DMD: variants seen among roughly 807,000 people sequenced by gnomAD.
DMD encodes the protein dystrophin.
In DMD, 63 loss-of-function variants were observed where a neutral mutation model predicts 330.1. That is an observed-to-expected ratio of 0.19 (90% confidence interval 0.16 to 0.24). The LOEUF is 0.24. Among genes scored for constraint, DMD ranks in the 10% least tolerant of loss-of-function variants. DMD has a pLI of 1.00. For missense variants in DMD, 3,344 were observed against 2,684.1 expected (o/e 1.25, Z -5.43); for synonymous variants, 1,223 against 959.8 (o/e 1.27, Z -5.07).
chrX:31,529,897 T>TAA (rs369803858), intron 55 of DMD, among the ~76,000 whole-genome samples: 127 of 98,592 alleles, frequency 1.3e-3, no homozygotes, highest in East Asian at 3.5e-3. Flanking sequence ...AAGATTTCTT[T>TAA]AAAAAAAAAA....
chrX:32,622,628 A>T (rs1215186554), intron 11 of DMD, among the ~76,000 whole-genome samples: 1 of 111,901 alleles, frequency 8.9e-6, no homozygotes, highest in East Asian at 2.8e-4. Context: ...CTTCGCATCC[A>T]ATTATACTTC....
chrX:33,094,071 T>A (rs770990655), intron 1 of DMD, among the ~76,000 whole-genome samples: 1 of 110,919 alleles, frequency 9.0e-6, no homozygotes, highest in Non-Finnish European at 1.9e-5. Context: ...CTATTGAAAA[T>A]GTGTGTTTTT....
intron 45 of DMD, among the ~76,000 whole-genome samples, chrX:31,932,876 T>C (rs1480269303): frequency 8.9e-6 from 1 of 112,430 alleles, no homozygotes; most frequent in African/African-American, 3.2e-5. Context: ...TACTAACATT[T>C]AGGTTTGGAA....
intron 16 of DMD, among the ~76,000 whole-genome samples, chrX:32,560,147 C>A (rs1418542300): frequency 9.4e-6 from 1 of 106,086 alleles, no homozygotes; most frequent in African/African-American, 3.4e-5. Context: ...ATTTATTCTA[C>A]TAAAAATCCA....
chrX:31,861,944 T>TACACACAC (rs750851260), intron 48 of DMD, among the ~76,000 whole-genome samples: 36 of 33,958 alleles, frequency 1.1e-3, no homozygotes, highest in South Asian at 4.7e-3. Flanking sequence ...TAGAAAATAA[T>TACACACAC]ATACACACAC....
intron 1 of DMD, among the ~76,000 whole-genome samples, chrX:33,082,672 A>C (rs112521358): frequency 2.7e-5 from 3 of 112,265 alleles, no homozygotes; most frequent in Non-Finnish European, 5.6e-5. Flanking sequence ...AGGAGTAACT[A>C]TGACATGAAC....
chrX:31,265,509 T>C (rs923261235), intron 62 of DMD, among the ~76,000 whole-genome samples: 2 of 110,840 alleles, frequency 1.8e-5, no homozygotes, highest in Non-Finnish European at 3.8e-5. Flanking sequence ...CAGCTGTTAG[T>C]TGTCCTCCGT....
At chrX:31,882,661 A>T (rs1320199387) in intron 47 of DMD, among the ~76,000 whole-genome samples, 1 of 112,126 alleles carries the variant, frequency 8.9e-6, no homozygotes, top group East Asian at 2.8e-4. Context: ...TAACTTCTAC[A>T]TCAGTAAGAA....
chrX:32,244,107 C>T (rs1182887519), intron 43 of DMD, among the ~76,000 whole-genome samples: 2 of 66,935 alleles, frequency 3.0e-5, no homozygotes, highest in African/African-American at 1.1e-4. Context: ...CCTCCCCCCT[C>T]CCCCCACCCC....
intron 1 of DMD, among the ~76,000 whole-genome samples, chrX:33,309,466 TA>T (rs2053816273): frequency 9.0e-6 from 1 of 111,097 alleles, no homozygotes; most frequent in African/African-American, 3.3e-5. Flanking sequence ...TGTCTGTATT[TA>T]AACATAAATA....
At chrX:32,311,796 C>T (rs1472280857) in intron 41 of DMD, among the ~76,000 whole-genome samples, 1 of 111,761 alleles carries the variant, frequency 8.9e-6, no homozygotes, top group South Asian at 3.6e-4. Flanking sequence ...AGAAAAATAA[C>T]TCAGCAGGCT....
intron 44 of DMD, among the ~76,000 whole-genome samples, chrX:31,993,179 A>T (rs2095562070): frequency 9.0e-6 from 1 of 111,608 alleles, no homozygotes; most frequent in Non-Finnish European, 1.9e-5. Flanking sequence ...AATGTGTCGT[A>T]GAGGTAGAAA....
intron 1 of DMD, among the ~76,000 whole-genome samples, chrX:33,249,456 C>T (rs964967002): frequency 1.8e-5 from 2 of 111,718 alleles, no homozygotes; most frequent in Admixed American, 9.5e-5. Context: ...TGGCCAATTG[C>T]TCTCATTTAA....
At chrX:32,739,949 G>T (rs1420366838) in intron 7 of DMD, among the ~76,000 whole-genome samples, 1 of 110,258 alleles carries the variant, frequency 9.1e-6, no homozygotes, top group Admixed American at 9.8e-5. Flanking sequence ...TGTTTTAAGG[G>T]ATGTGGTTGC....
At chrX:32,984,606 T>A (rs1224495336) in intron 2 of DMD, among the ~76,000 whole-genome samples, 2 of 112,155 alleles carry the variant, frequency 1.8e-5, no homozygotes. Context: ...AAAAATAGTA[T>A]CTTCTACTTA....
intron 55 of DMD, among the ~76,000 whole-genome samples, chrX:31,532,238 G>C (rs1198637784): frequency 1.0e-5 from 1 of 95,270 alleles, no homozygotes; most frequent in Non-Finnish European, 2.0e-5. Flanking sequence ...CAGAGAGAAA[G>C]GTCGAGTTAC....
At chrX:32,709,310 A>G (rs1283891677) in intron 7 of DMD, among the ~76,000 whole-genome samples, 1 of 112,278 alleles carries the variant, frequency 8.9e-6, no homozygotes. Flanking sequence ...ATCCAAAACC[A>G]TGTAACACAA....
intron 30 of DMD, among the ~76,000 whole-genome samples, chrX:32,396,188 A>T (rs1348828082): frequency 1.8e-5 from 2 of 111,293 alleles, no homozygotes. Flanking sequence ...TGTGAGAGGA[A>T]TGTTGGGCAA....
chrX:33,166,483 T>C (rs977199990), intron 1 of DMD, among the ~76,000 whole-genome samples: 1 of 111,194 alleles, frequency 9.0e-6, no homozygotes, highest in African/African-American at 3.3e-5. Flanking sequence ...TAAGGAGAAA[T>C]ACTTAATTTC....
Sources: gnomAD v4.1 joint callset for allele counts (sites outside exome capture counted in the v4.1 genomes callset) on GRCh38, gnomAD v4.1.1 for gene constraint, MANE v1.5 for transcripts, NCBI Gene and HGNC (gene_info 2026-07-23, HGNC 2026-07-21) for gene names.